The following GPD2 variants were observed in gnomAD, a reference collection of about 807,000 sequenced individuals.
GPD2 encodes glycerol-3-phosphate dehydrogenase 2.
A neutral mutation model predicts 82.4 loss-of-function variants in GPD2; 54 were observed. That is an observed-to-expected ratio of 0.66 (90% CI 0.53 to 0.82). The LOEUF (loss-of-function observed/expected upper bound fraction) is 0.82. Among genes scored for constraint, GPD2 ranks in the 40% least tolerant of loss-of-function variants. The pLI is 0.00. For synonymous variants in GPD2, 288 were observed against 306.1 expected (o/e 0.94, Z 0.62); for missense variants, 748 against 896.2 (o/e 0.83, Z 2.11).
At chr2:156,556,935 A>G (rs749784373) in intron 8 of GPD2, among the ~76,000 whole-genome samples, 2 of 152,230 alleles carry the variant, frequency 1.3e-5, no homozygotes, top group Admixed American at 6.5e-5. Flanking sequence ...GAGAATTTCT[A>G]CTGAGCGATG....
At chr2:156,511,000 T>A in intron 4 of GPD2, 80 bp downstream of exon 4, 1 of 1,207,442 alleles carries the variant, frequency 8.3e-7, no homozygotes, top group Non-Finnish European at 1.2e-6. Context: ...TTTTTTTCTT[T>A]AATGGCTTAA....
intron 3 of GPD2, chr2:156,501,902 A>T (rs1400282446): frequency 5.9e-6 from 1 of 168,954 alleles, no homozygotes; most frequent in Non-Finnish European, 1.5e-5. Flanking sequence ...CCTATCAGAT[A>T]CTAAAGTGTA....
intron 1 of GPD2, among the ~76,000 whole-genome samples, chr2:156,455,194 C>T (rs1390453213): frequency 6.6e-6 from 1 of 152,104 alleles, no homozygotes; most frequent in Non-Finnish European, 1.5e-5. Context: ...TCCTGACTGC[C>T]CTGAATCCAG....
At chr2:156,453,062 T>C (rs900313660) in intron 1 of GPD2, among the ~76,000 whole-genome samples, 1 of 152,154 alleles carries the variant, frequency 6.6e-6, no homozygotes, top group Non-Finnish European at 1.5e-5. Flanking sequence ...GTAATAGGAT[T>C]GTGGGTCAGT....
chr2:156,415,555 T>A, the GPD2 span, among the ~76,000 whole-genome samples: 1 of 152,088 alleles, frequency 6.6e-6, no homozygotes, highest in Non-Finnish European at 1.5e-5. Context: ...GTTACTTCAC[T>A]TTGAATAATA....
chr2:156,400,746 C>T, the GPD2 span, among the ~76,000 whole-genome samples: 2 of 152,210 alleles, frequency 1.3e-5, no homozygotes, highest in African/African-American at 4.8e-5. Context: ...TGAGTATGGA[C>T]ACCAGAAATA....
At position 156,579,173 on chromosome 2, in the gene GPD2, C is replaced by A; in HGVS notation, c.1959+9C>A. 6.5e-7 allele frequency: 1 copy of A among 1,531,814 alleles called. No homozygotes were observed. Among genetic ancestry groups the A allele is most frequent in the Non-Finnish European group, 9.0e-7 (1 of 1,105,668 alleles). 94.9% of individuals were successfully genotyped at this position (1,531,814 alleles called of 1,614,324 possible). ...TTCAGCGTGTATTAGAGGTAATTTTCTTTGGTTGATGTCAGCCTCTGATAC... is the reference window on the plus strand; with the variant it reads ...TTCAGCGTGTATTAGAGGTAATTTTATTTGGTTGATGTCAGCCTCTGATAC... On this transcript the variant is annotated intron_variant, in intron 15 of 16. Coordinates refer to ENST00000438166, the MANE Select transcript of GPD2 (RefSeq NM_000408.5).
chr2:156,565,868 T>A (rs907625394), intron 9 of GPD2, among the ~76,000 whole-genome samples: 8 of 152,120 alleles, frequency 5.3e-5, no homozygotes, highest in African/African-American at 1.9e-4. Flanking sequence ...GTAAGAACTG[T>A]TCCAATCATT....
rs1684970222 is a variant in GPD2, at chr2:156,510,878, G to A, written c.357G>A (p.Val119=). 1.2e-6 allele frequency: 2 copies of A among 1,612,874 alleles called. No homozygotes were observed. Among genetic ancestry groups the A allele is most frequent in the Admixed American group, 1.7e-5 (1 of 59,990 alleles). ...SRSTKLIHGG[V]RYLQKAIMKL... is the part of the protein sequence containing the mutation. ...GCACTAAATTGATCCATGGTGGTGT[G>A]AGATATCTGCAGAAGGCCATCATGA... is the stretch of plus-strand genomic sequence containing the variant. Residue 119 remains valine, a synonymous_variant, in exon 4 of 17, where the codon GTG becomes GTA. Transcript: ENST00000438166.
At chr2:156,469,199 G>A (rs186079171) in intron 1 of GPD2, among the ~76,000 whole-genome samples, 19 of 152,102 alleles carry the variant, frequency 1.2e-4, no homozygotes, top group African/African-American at 3.1e-4. Flanking sequence ...TCGCTCTGTC[G>A]CCCAGGCTGG....
chr2:156,494,299 A>G (rs903759616), intron 2 of GPD2, among the ~76,000 whole-genome samples: 4 of 152,348 alleles, frequency 2.6e-5, no homozygotes, highest in African/African-American at 9.6e-5. Context: ...GTCATTTACC[A>G]GTGACTTTCA....
At chr2:156,451,241 CG>C (rs1682556901) in intron 1 of GPD2, among the ~76,000 whole-genome samples, 1 of 150,660 alleles carries the variant, frequency 6.6e-6, no homozygotes. Flanking sequence ...TAGGGGTGGC[CG>C]GGCAGAGGCG....
chr2:156,515,602 T>G (rs551555416), intron 6 of GPD2, among the ~76,000 whole-genome samples: 1 of 152,308 alleles, frequency 6.6e-6, no homozygotes, highest in East Asian at 1.9e-4. Flanking sequence ...AAAGAATTCT[T>G]TAATCTAGAA....
chr2:156,563,328 G>C (rs1001648611), intron 9 of GPD2, among the ~76,000 whole-genome samples: 4 of 152,120 alleles, frequency 2.6e-5, no homozygotes, highest in Admixed American at 6.6e-5. Flanking sequence ...TGGTGAGAAA[G>C]AGATGAAGCA....
At chr2:156,514,196 T>C (rs139788538) in intron 6 of GPD2, among the ~76,000 whole-genome samples, 1 of 152,230 alleles carries the variant, frequency 6.6e-6, no homozygotes, top group East Asian at 1.9e-4. Flanking sequence ...ACACTTAATG[T>C]ATCTCCAGAT....
intron 6 of GPD2, among the ~76,000 whole-genome samples, chr2:156,544,605 T>A (rs1322844775): frequency 1.3e-5 from 2 of 152,120 alleles, no homozygotes; most frequent in African/African-American, 4.8e-5. Context: ...TGATGCCCAG[T>A]CTCTTTTTGA....
intron 3 of GPD2, among the ~76,000 whole-genome samples, chr2:156,508,792 A>G (rs904774751): frequency 6.6e-6 from 1 of 152,246 alleles, no homozygotes; most frequent in Non-Finnish European, 1.5e-5. Flanking sequence ...AAAAGGTGAT[A>G]TAGCTCACTG....
chr2:156,461,915 G>C (rs543388019), intron 1 of GPD2, among the ~76,000 whole-genome samples: 6 of 152,268 alleles, frequency 3.9e-5, no homozygotes, highest in African/African-American at 1.4e-4. Flanking sequence ...TTCTTCACTT[G>C]GGTAGGTCCT....
intron 2 of GPD2, among the ~76,000 whole-genome samples, chr2:156,481,025 C>T (rs1683709966): frequency 6.6e-6 from 1 of 151,802 alleles, no homozygotes; most frequent in Non-Finnish European, 1.5e-5. Flanking sequence ...GATTGGTGTG[C>T]CATTCATAAG....
Sources: gnomAD v4.1 joint callset for allele counts (sites outside exome capture counted in the v4.1 genomes callset) on GRCh38, gnomAD v4.1.1 for gene constraint, MANE v1.5 for transcripts, NCBI Gene and HGNC (gene_info 2026-07-23, HGNC 2026-07-21) for gene names.